Variants in L3MBTL3 observed in about 807,000 individuals in gnomAD.
The protein encoded by L3MBTL3 is L3MBTL histone methyl-lysine binding protein 3, also known as lethal(3)malignant brain tumor-like protein 3.
A neutral mutation model predicts 102.3 loss-of-function variants in L3MBTL3; 27 were observed. The ratio of observed to expected loss-of-function variants is 0.26; its 90% CI spans 0.19 to 0.36. The LOEUF is 0.36. Ranked by LOEUF, L3MBTL3 falls within the 10% of genes least tolerant of loss-of-function variation. The pLI, the probability that L3MBTL3 is intolerant of heterozygous loss-of-function variation, is 1.00. For missense variants in L3MBTL3, 798 were observed against 955.3 expected (o/e 0.84, Z 2.17); for synonymous variants, 340 against 320.9 (o/e 1.06, Z -0.64).
chr6:130,048,941 A>AACACACACACACACAC (rs6149808), intron 3 of L3MBTL3, among the ~76,000 whole-genome samples: 875 of 78,500 alleles, frequency 0.011, 8 homozygotes, highest in East Asian at 0.098. Flanking sequence ...TCTTAGTTAA[A>AACACACACACACACAC]ACACACACAC....
intron 18 of L3MBTL3, among the ~76,000 whole-genome samples, chr6:130,099,768 C>A (rs1784573305): frequency 6.6e-6 from 1 of 152,174 alleles, no homozygotes; most frequent in South Asian, 2.1e-4. Context: ...GCTCTGTGAC[C>A]TTGAGCCAAT....
At chr6:130,026,825 A>G (rs540818331) in intron 2 of L3MBTL3, among the ~76,000 whole-genome samples, 6 of 152,140 alleles carry the variant, frequency 3.9e-5, no homozygotes, top group African/African-American at 7.2e-5. Flanking sequence ...GCATCAATCA[A>G]TGAAAGAATG....
Position 130,042,676 on chromosome 6 carries a change from C to A in L3MBTL3, c.-15-9C>A, listed in dbSNP as rs1203196054. The A allele has an allele frequency of 6.6e-7, 1 of 1,506,030 alleles. No individual in the cohort carries two copies. Among genetic ancestry groups the A allele is most frequent in the African/African-American group, 1.4e-5 (1 of 72,726 alleles). 93.3% of individuals were successfully genotyped at this position (1,506,030 alleles called of 1,614,324 possible). A position where few individuals can be genotyped will look rare whatever the true frequency, so the allele number is the denominator to read the frequency against. ...ATATTTAGTGATATGCCTTCTTTTC[C>A]CCTTTCAGGTTAAAAAATAAATCAT... On this transcript the variant is annotated splice_polypyrimidine_tract_variant and intron_variant, in intron 2 of 22. Coordinates refer to ENST00000361794, the MANE Select transcript of L3MBTL3 (RefSeq NM_032438.4).
At chr6:130,064,512 G>A (rs546014773) in intron 10 of L3MBTL3, among the ~76,000 whole-genome samples, 3 of 152,292 alleles carry the variant, frequency 2.0e-5, no homozygotes, top group African/African-American at 7.2e-5. Flanking sequence ...CCATATGGAT[G>A]ACGAAAGTAC....
chr6:130,116,469 G>T (rs1213893134), intron 19 of L3MBTL3, among the ~76,000 whole-genome samples: 1 of 152,128 alleles, frequency 6.6e-6, no homozygotes, highest in Non-Finnish European at 1.5e-5. Context: ...TCCATGTTAA[G>T]ATTCATGCAC....
Position 130,086,711 on chromosome 6 carries a change from C to A in L3MBTL3, c.1518+461C>A, listed in dbSNP as rs567302895. Among the ~76,000 whole-genome samples, 11 of 152,140 alleles carry A rather than the reference C, an allele frequency of 7.2e-5. No homozygotes were observed. The East Asian group carries it at 2.1e-3, about 29-fold the overall frequency. On this transcript the variant is annotated intron_variant, in intron 16 of 22. Coordinates refer to ENST00000361794, the MANE Select transcript of L3MBTL3 (RefSeq NM_032438.4). ...TAATTAGAGTAATAAAAGTCAAATG[C>A]CTCTTAAAAAGTAAGCAAATGTTTA...
chr6:130,056,285 G>C (rs1781505405), intron 8 of L3MBTL3, among the ~76,000 whole-genome samples: 1 of 151,982 alleles, frequency 6.6e-6, no homozygotes, highest in Admixed American at 6.6e-5. Context: ...GGAGGAAACC[G>C]GCCCTGAAGC....
At chr6:130,098,199 A>T (rs915799880) in intron 18 of L3MBTL3, among the ~76,000 whole-genome samples, 1 of 152,238 alleles carries the variant, frequency 6.6e-6, no homozygotes, top group Non-Finnish European at 1.5e-5. Flanking sequence ...AAGGATATTA[A>T]TGAAGTCCAT....
At chr6:130,033,558 A>T (rs1779861744) in intron 2 of L3MBTL3, among the ~76,000 whole-genome samples, 1 of 152,196 alleles carries the variant, frequency 6.6e-6, no homozygotes, top group South Asian at 2.1e-4. Context: ...CACACTGTTT[A>T]CAAAAGATAC....
intron 2 of L3MBTL3, among the ~76,000 whole-genome samples, chr6:130,029,671 G>A (rs1241308175): frequency 6.6e-6 from 1 of 152,072 alleles, no homozygotes; most frequent in African/African-American, 2.4e-5. Context: ...CCTCATCTCT[G>A]GACTCCTGAG....
In L3MBTL3 at chr6:130,049,744, C is replaced by A. The variant is rs747991637; in HGVS notation, c.215-12C>A. ...ACCTATATGCTGATGACTCCTAAAT[C>A]TACATCTCCAGCCCCGACCTCTCCC... On this transcript the variant is annotated splice_polypyrimidine_tract_variant and intron_variant, in intron 4 of 22. Transcript: ENST00000361794. 3 of 1,614,022 alleles carry A rather than the reference C, an allele frequency of 1.9e-6. No individual in the cohort carries two copies. The highest frequency in any genetic ancestry group is 2.5e-6 in the Non-Finnish European group (3 of 1,179,922).
intron 18 of L3MBTL3, 114 bp from the exon 19 acceptor site, chr6:130,104,312 T>C (rs1784861775): frequency 6.4e-6 from 4 of 620,822 alleles, no homozygotes; most frequent in Non-Finnish European, 1.0e-5. Context: ...ATATAACATA[T>C]TCAGTTAAAT....
At chr6:130,041,882 G>A (rs189712038) in intron 2 of L3MBTL3, among the ~76,000 whole-genome samples, 1 of 152,306 alleles carries the variant, frequency 6.6e-6, no homozygotes, top group Admixed American at 6.5e-5. Flanking sequence ...ACAGTCTGAA[G>A]CTAGACTGCT....
chr6:130,068,451 A>C, intron 12 of L3MBTL3, 30 bp downstream of exon 12: 1 of 1,300,078 alleles, frequency 7.7e-7, no homozygotes, highest in Non-Finnish European at 1.1e-6. Flanking sequence ...GTTTTCTTTC[A>C]AAGGAAGAAG....
rs367985147 is a variant in L3MBTL3 at position 130,062,990 on chromosome 6, C to CTTTTTTTTTTTT, written c.864+2852_864+2863dup. Among the ~76,000 whole-genome samples the CTTTTTTTTTTTT allele has an allele frequency of 2.4e-5, 3 of 126,206 alleles. 1 individual carries two copies. The highest frequency in any genetic ancestry group is 4.7e-5 in the Non-Finnish European group (3 of 63,610). The allele number at this position is 126,206 out of a possible 152,430, so 82.8% of individuals were successfully genotyped here. On this transcript the variant is annotated intron_variant, in intron 10 of 22. Transcript: ENST00000361794. ...CCTCCCTCCTTCCCTTCTTGCCTTT[C>CTTTTTTTTTTTT]TTTTTTTTTTTTTCTGTTTTTTTTT...
At chr6:130,040,831 A>C (rs1470123794) in intron 2 of L3MBTL3, among the ~76,000 whole-genome samples, 1 of 152,226 alleles carries the variant, frequency 6.6e-6, no homozygotes, top group Admixed American at 6.5e-5. Flanking sequence ...CAATATTAAA[A>C]AGATGTATAT....
rs183847078 is a variant in L3MBTL3 at position 130,073,821 on chromosome 6, G to T, written c.1244+2694G>T. 2.5e-3 allele frequency among the ~76,000 whole-genome samples: 374 copies of T among 152,226 alleles called. 6 individuals carry two copies. Among genetic ancestry groups the T allele is most frequent in the Middle Eastern group, 0.017 (5 of 294 alleles). On this transcript the variant is annotated intron_variant, in intron 13 of 22. Coordinates refer to ENST00000361794, the MANE Select transcript of L3MBTL3 (RefSeq NM_032438.4). ...GAAAAAAATTGATCTCTTTTAACTC[G>T]AGTTTTGTGCTTTTATGAGCACAAA...
intron 2 of L3MBTL3, among the ~76,000 whole-genome samples, chr6:130,030,329 A>G (rs1198217309): frequency 6.6e-6 from 1 of 152,132 alleles, no homozygotes; most frequent in African/African-American, 2.4e-5. Context: ...AAGGTTAGGT[A>G]CCCTGGCTAA....
chr6:130,069,605 T>A (rs551217173), intron 12 of L3MBTL3, among the ~76,000 whole-genome samples: 2 of 152,330 alleles, frequency 1.3e-5, no homozygotes, highest in South Asian at 4.1e-4. Context: ...TGTCAGTTGG[T>A]ATTCTCTGTC....
Sources: allele counts gnomAD v4.1 joint callset (sites outside exome capture counted in the v4.1 genomes callset), GRCh38; gene constraint gnomAD v4.1.1; transcripts MANE v1.5; gene names NCBI Gene and HGNC (gene_info 2026-07-23, HGNC 2026-07-21).